Variants in SLC9A9 observed in about 807,000 individuals in gnomAD.
SLC9A9 encodes the protein sodium/hydrogen exchanger 9.
A neutral mutation model predicts 77.8 loss-of-function variants in SLC9A9; 62 were observed. That is an observed-to-expected ratio of 0.80 (90% CI 0.65 to 0.98). The LOEUF is 0.98. SLC9A9 is among the 50% of genes least tolerant of loss of function. The pLI is 0.00. For missense variants in SLC9A9, 775 were observed against 774.9 expected (o/e 1.00, Z 0.00); for synonymous variants, 320 against 283.5 (o/e 1.13, Z -1.29).
intron 9 of SLC9A9, among the ~76,000 whole-genome samples, chr3:143,510,064 T>G (rs1210802164): frequency 6.6e-6 from 1 of 152,178 alleles, no homozygotes; most frequent in Non-Finnish European, 1.5e-5. Flanking sequence ...TTGTATAGAT[T>G]AAATGTGGAT....
At chr3:143,838,588 C>CTTCCTCT (rs1335674294) in intron 1 of SLC9A9, among the ~76,000 whole-genome samples, 1 of 152,092 alleles carries the variant, frequency 6.6e-6, no homozygotes, top group Non-Finnish European at 1.5e-5. Context: ...AAGTTAACAT[C>CTTCCTCT]ATATTTAGTC....
intron 9 of SLC9A9, among the ~76,000 whole-genome samples, chr3:143,518,500 A>G (rs2036241638): frequency 6.6e-6 from 1 of 152,220 alleles, no homozygotes; most frequent in African/African-American, 2.4e-5. Flanking sequence ...CTGGGATTCC[A>G]TCCCATCGTG....
intron 9 of SLC9A9, among the ~76,000 whole-genome samples, chr3:143,519,648 T>A (rs1333459831): frequency 6.6e-6 from 1 of 152,062 alleles, no homozygotes; most frequent in African/African-American, 2.4e-5. Flanking sequence ...AGGGCTGAAG[T>A]AGAAAGCCTG....
intron 12 of SLC9A9, among the ~76,000 whole-genome samples, chr3:143,383,919 G>A (rs574807202): frequency 1.2e-4 from 19 of 152,270 alleles, no homozygotes; most frequent in African/African-American, 3.6e-4. Flanking sequence ...GTAAAGTCCC[G>A]CCTGTTTAAA....
chr3:143,605,639 C>A (rs928928310), intron 6 of SLC9A9, among the ~76,000 whole-genome samples: 14 of 152,220 alleles, frequency 9.2e-5, no homozygotes, highest in African/African-American at 3.1e-4. Flanking sequence ...GTGGACCACA[C>A]ATTTGTAACT....
At chr3:143,766,555 GGA>G (rs2007323768) in intron 4 of SLC9A9, among the ~76,000 whole-genome samples, 1 of 151,922 alleles carries the variant, frequency 6.6e-6, no homozygotes, top group Non-Finnish European at 1.5e-5. Context: ...AGCTGTAGGT[GGA>G]GGGTAGGCTG....
chr3:143,599,756 A>T (rs1457400004), intron 6 of SLC9A9, among the ~76,000 whole-genome samples: 1 of 152,216 alleles, frequency 6.6e-6, no homozygotes, highest in East Asian at 1.9e-4. Context: ...AAATAATTAC[A>T]ACAAACAAAA....
chr3:143,311,502 C>G (rs1309986606), intron 14 of SLC9A9, among the ~76,000 whole-genome samples: 1 of 152,160 alleles, frequency 6.6e-6, no homozygotes, highest in African/African-American at 2.4e-5. Context: ...CTCTAGGAGC[C>G]AGGTAAAAGC....
chr3:143,275,380 C>T (rs1269503063), intron 14 of SLC9A9, among the ~76,000 whole-genome samples: 1 of 152,130 alleles, frequency 6.6e-6, no homozygotes, highest in Non-Finnish European at 1.5e-5. Flanking sequence ...GTCTCAGGTA[C>T]ATTGTGTGCT....
At chr3:143,518,988 C>T (rs2165359) in intron 9 of SLC9A9, among the ~76,000 whole-genome samples, 32,500 of 152,182 alleles carry the variant, frequency 0.21, 3,698 homozygotes, top group Middle Eastern at 0.34. Context: ...CATCCTTGCC[C>T]AAACTTGACA....
intron 12 of SLC9A9, among the ~76,000 whole-genome samples, chr3:143,466,760 T>C (rs1430057469): frequency 6.6e-6 from 1 of 152,266 alleles, no homozygotes. Flanking sequence ...TTGTACTGAA[T>C]ACAGATTGTT....
intron 6 of SLC9A9, among the ~76,000 whole-genome samples, chr3:143,649,265 C>A (rs1033279812): frequency 6.6e-6 from 1 of 152,206 alleles, no homozygotes; most frequent in South Asian, 2.1e-4. Flanking sequence ...AAATGCAAAT[C>A]TATCATGTGG....
At chr3:143,758,288 C>CACAA (rs1292756426) in intron 4 of SLC9A9, among the ~76,000 whole-genome samples, 1 of 152,160 alleles carries the variant, frequency 6.6e-6, no homozygotes, top group Non-Finnish European at 1.5e-5. Flanking sequence ...ACCAGCCAAC[C>CACAA]TAGTTAATAT....
At chr3:143,586,137 G>A (rs2037537863) in intron 6 of SLC9A9, among the ~76,000 whole-genome samples, 1 of 152,254 alleles carries the variant, frequency 6.6e-6, no homozygotes, top group Non-Finnish European at 1.5e-5. Context: ...ATACACAGAT[G>A]TGAGGCAAAG....
At chr3:143,625,254 G>A (rs1206175931) in intron 6 of SLC9A9, among the ~76,000 whole-genome samples, 1 of 152,114 alleles carries the variant, frequency 6.6e-6, no homozygotes, top group Non-Finnish European at 1.5e-5. Context: ...CACAGAATTG[G>A]AAAAAACTAC....
intron 5 of SLC9A9, among the ~76,000 whole-genome samples, chr3:143,677,817 CAG>C (rs1481212562): frequency 7.0e-6 from 1 of 142,584 alleles, no homozygotes; most frequent in Non-Finnish European, 1.5e-5. Context: ...ATTGCCTCTT[CAG>C]AGTCTTTTTT....
At chr3:143,494,411 A>G (rs191120266) in intron 10 of SLC9A9, among the ~76,000 whole-genome samples, 8 of 152,286 alleles carry the variant, frequency 5.3e-5, no homozygotes, top group African/African-American at 1.7e-4. Flanking sequence ...TTTGTCCTCA[A>G]TGGGACGGAG....
chr3:143,275,253 T>C (rs909857479), intron 14 of SLC9A9, among the ~76,000 whole-genome samples: 7 of 152,224 alleles, frequency 4.6e-5, no homozygotes, highest in African/African-American at 1.7e-4. Context: ...TTGTGGAAAC[T>C]TTCTTTCTAC....
At chr3:143,495,993 T>C (rs1044000891) in intron 9 of SLC9A9, among the ~76,000 whole-genome samples, 1 of 152,214 alleles carries the variant, frequency 6.6e-6, no homozygotes, top group Non-Finnish European at 1.5e-5. Flanking sequence ...GAGTGATCGG[T>C]ATATTTCAAA....
Sources: allele counts gnomAD v4.1 joint callset (sites outside exome capture counted in the v4.1 genomes callset), GRCh38; gene constraint gnomAD v4.1.1; transcripts MANE v1.5; gene names NCBI Gene and HGNC (gene_info 2026-07-23, HGNC 2026-07-21).